The following SPINK5 variants were observed in gnomAD, a reference collection of about 807,000 sequenced individuals.
The protein encoded by SPINK5 is serine protease inhibitor Kazal-type 5.
Under a neutral mutation model 151.8 loss-of-function variants are expected in SPINK5, and 125 were observed. That is an observed-to-expected ratio of 0.82 (90% CI 0.71 to 0.96). The LOEUF is 0.96. SPINK5 is among the 40% of genes least tolerant of loss of function. The pLI is 0.00. For synonymous variants in SPINK5, 374 were observed against 395.3 expected, an observed-to-expected ratio of 0.95 and a Z score of 0.64; for missense variants, 1,194 against 1,291.9, an observed-to-expected ratio of 0.92 and a Z score of 1.16.
chr5:148,122,866 A>ATTTT (rs111936279), intron 26 of SPINK5, among the ~76,000 whole-genome samples: 6,533 of 127,674 alleles, frequency 0.051, 360 homozygotes, highest in African/African-American at 0.12. Flanking sequence ...TCGCACAATA[A>ATTTT]TTTTTTTTTT....
At position 148,097,942 on chromosome 5, in the gene SPINK5, G is replaced by T; in HGVS notation, c.958G>T (p.Gly320Cys). The T allele has an allele frequency of 6.2e-7, 1 of 1,612,296 alleles. No individual in the cohort carries two copies. The highest frequency in any genetic ancestry group is 8.5e-7 in the Non-Finnish European group (1 of 1,178,790). The change falls in exon 11 of 33, where the codon GGT (glycine) becomes TGT (cysteine). Residue 320 changes from glycine to cysteine, a missense_variant. Coordinates refer to ENST00000256084, the MANE Select transcript of SPINK5 (RefSeq NM_006846.4). ...TACCAGAGAAAATGACCCTATTCGT[G>T]GTCCAGATGGGAAAATGCATGGCAA... ...FCTRENDPIR[G>C]PDGKMHGNLC...
rs200840468 is a variant in SPINK5 at position 148,103,724 on chromosome 5, A to AT, written c.1431-1220dup. ...ATAGATATGTTAACAAAGGTGATTGATTTTTTTTGAGAATTATTCTACCCT... is the reference window on the plus strand; with the variant it reads ...ATAGATATGTTAACAAAGGTGATTGATTTTTTTTTGAGAATTATTCTACCCT... On this transcript the variant is annotated intron_variant, in intron 15 of 32. Transcript: ENST00000256084. Among the ~76,000 whole-genome samples the AT allele has an allele frequency of 3.0e-3, 462 of 152,038 alleles. 3 individuals are homozygous for AT. The highest frequency in any genetic ancestry group is 0.011 in the African/African-American group (447 of 41,482).
At chr5:148,125,978 C>A in intron 29 of SPINK5, 128 bp downstream of exon 29, 3 of 1,411,274 alleles carry the variant, frequency 2.1e-6, no homozygotes, top group African/African-American at 1.4e-5. Context: ...AGAATTAAAG[C>A]CCTCAAATTG....
intron 1 of SPINK5, 114 bp from the exon 2 acceptor site, chr5:148,065,233 T>G (rs1205812807): frequency 2.5e-6 from 3 of 1,196,898 alleles, no homozygotes; most frequent in Admixed American, 4.0e-5. Context: ...CCATTTGCGG[T>G]TTTACAACAT....
At chr5:148,106,943 T>C (rs1753795951) in intron 16 of SPINK5, 94 bp from the exon 17 acceptor site, 3 of 1,551,768 alleles carry the variant, frequency 1.9e-6, no homozygotes, top group Admixed American at 3.4e-5. Flanking sequence ...CTTTTGTTTT[T>C]ACTTTTTACT....
rs757299831 is a variant in SPINK5 at position 148,123,843 on chromosome 5, G to A, written c.2549G>A (p.Arg850His). Residue 850 changes from arginine (R) to histidine (H), a missense_variant, in exon 27 of 33, where the codon CGT becomes CAT. Physicochemically the swap from Arg to His is conservative, Grantham distance 29. Transcript: ENST00000256084. ...ERSNDKEDLC[R>H]EFRSMQRNGK... Reference sequence around the variant, plus strand: ...TGCTACTGTTGGTAGGATCTGTGTCGTGAATTTCGAAGCATGCAGAGAAAT... The same window carrying A: ...TGCTACTGTTGGTAGGATCTGTGTCATGAATTTCGAAGCATGCAGAGAAAT... 20 of 1,613,654 alleles carry A rather than the reference G, an allele frequency of 1.2e-5. No individual in the cohort carries two copies. Among genetic ancestry groups the A allele is most frequent in the African/African-American group, 2.7e-5 (2 of 74,824 alleles).
At chr5:148,086,256 T>C in intron 4 of SPINK5, 149 bp from the exon 5 acceptor site, 1 of 925,314 alleles carries the variant, frequency 1.1e-6, no homozygotes, top group South Asian at 1.7e-5. Context: ...TTATTGCCCA[T>C]AAATTTATTA....
intron 22 of SPINK5, among the ~76,000 whole-genome samples, chr5:148,116,703 T>G (rs1054718771): frequency 4.6e-5 from 7 of 152,244 alleles, no homozygotes; most frequent in Non-Finnish European, 1.0e-4. Flanking sequence ...CCCAGTCTCC[T>G]GAGCCCTCTT....
chr5:148,137,063 A>G lies in SPINK5; in HGVS notation c.*72A>G. ...TGAATCACCTACCTTCACCATCTGT[A>G]TATACAAAGAATTCTTCGGAGCTTG... On this transcript the variant is annotated 3_prime_UTR_variant, in exon 33 of 33. Coordinates refer to ENST00000256084, the MANE Select transcript of SPINK5 (RefSeq NM_006846.4). 1 of 1,577,882 alleles carries G rather than the reference A, an allele frequency of 6.3e-7. No homozygotes were observed.
intron 7 of SPINK5, among the ~76,000 whole-genome samples, chr5:148,090,261 C>A (rs915422051): frequency 3.3e-5 from 5 of 151,820 alleles, no homozygotes; most frequent in Non-Finnish European, 7.4e-5. Flanking sequence ...GCTATATTTA[C>A]ATCACTGGAA....
intron 22 of SPINK5, 128 bp downstream of exon 22, chr5:148,116,594 T>C: frequency 1.1e-6 from 1 of 934,430 alleles, no homozygotes; most frequent in African/African-American, 1.6e-5. Flanking sequence ...AGTTTCTCCT[T>C]AAGGTTGCAG....
chr5:148,128,222 G>GTTT (rs58436321), intron 30 of SPINK5, among the ~76,000 whole-genome samples: 11 of 150,782 alleles, frequency 7.3e-5, no homozygotes, highest in Non-Finnish European at 1.6e-4. Context: ...AACAAAATAT[G>GTTT]TTTTTTTTTT....
chr5:148,111,681 T>C, intron 18 of SPINK5, 87 bp from the exon 19 acceptor site: 6 of 1,592,144 alleles, frequency 3.8e-6, no homozygotes, highest in Non-Finnish European at 5.2e-6. Flanking sequence ...AATCATTATG[T>C]TTTAGTTTTT....
intron 26 of SPINK5, 74 bp from the exon 27 acceptor site, chr5:148,123,759 A>G: frequency 6.3e-7 from 1 of 1,598,252 alleles, no homozygotes; most frequent in Non-Finnish European, 8.6e-7. Flanking sequence ...GTTTATATCT[A>G]ATCGGTCAAT....
intron 8 of SPINK5, 67 bp downstream of exon 8, chr5:148,091,295 C>A: frequency 7.8e-7 from 1 of 1,285,700 alleles, no homozygotes; most frequent in Non-Finnish European, 1.1e-6. Context: ...ATGCCTAAAC[C>A]TTTGAGTAAT....
At chr5:148,116,904 C>T (rs1173155611) in intron 22 of SPINK5, among the ~76,000 whole-genome samples, 1 of 152,222 alleles carries the variant, frequency 6.6e-6, no homozygotes, top group Non-Finnish European at 1.5e-5. Context: ...TCTGCTCCTA[C>T]TACCTGGACT....
chr5:148,111,026 TTCTTA>T (rs1328180636), intron 18 of SPINK5, among the ~76,000 whole-genome samples: 1 of 151,902 alleles, frequency 6.6e-6, no homozygotes, highest in Non-Finnish European at 1.5e-5. Context: ...TAACATAAAC[TTCTTA>T]TCTTATTTCA....
At chr5:148,119,931 A>T in intron 24 of SPINK5, 78 bp from the exon 25 acceptor site, 1 of 1,552,114 alleles carries the variant, frequency 6.4e-7, no homozygotes, top group Non-Finnish European at 8.8e-7. Flanking sequence ...ACTCTTGGAA[A>T]GAAATCCTCT....
rs144030811 is a variant in SPINK5 at position 148,100,331 on chromosome 5, AAC to A, written c.1093-119_1093-118del. 16,248 of 1,089,264 alleles carry A rather than the reference AAC, an allele frequency of 0.015. 1,640 individuals carry two copies. In the African/African-American group the frequency reaches 0.22, roughly 15 times the overall value. 67.5% of individuals were successfully genotyped at this position (1,089,264 alleles called of 1,614,324 possible). A position where few individuals can be genotyped will look rare whatever the true frequency, so the allele number is the denominator to read the frequency against. On this transcript the variant is annotated intron_variant, in intron 12 of 32. Coordinates refer to ENST00000256084, the MANE Select transcript of SPINK5 (RefSeq NM_006846.4). ...CAAATTGAATTTTACATTTGAGAAAAACACAATTAAAATCCTCAGCTCAAAGA... is the reference window on the plus strand; with the variant it reads ...CAAATTGAATTTTACATTTGAGAAAAACAATTAAAATCCTCAGCTCAAAGA...
Sources: gnomAD v4.1 joint callset for allele counts (sites outside exome capture counted in the v4.1 genomes callset) on GRCh38, gnomAD v4.1.1 for gene constraint, MANE v1.5 for transcripts, NCBI Gene and HGNC (gene_info 2026-07-23, HGNC 2026-07-21) for gene names.